RIC1: variants seen among roughly 807,000 people sequenced by gnomAD.
RIC1 encodes RIC1 partner of RAB6A GEF complex.
In RIC1, 88 loss-of-function variants were observed where a neutral mutation model predicts 169.0. That is an observed-to-expected ratio of 0.52 (90% confidence interval 0.44 to 0.62). The LOEUF is 0.62. Ranked by LOEUF, RIC1 falls within the 20% of genes least tolerant of loss-of-function variation. The pLI is 0.00. For missense variants in RIC1, 1,877 were observed against 1,725.5 expected (o/e 1.09, Z -1.56); for synonymous variants, 790 against 601.5 (o/e 1.31, Z -4.59).
At chr9:5,633,928 C>T (rs977661619) in intron 1 of RIC1, among the ~76,000 whole-genome samples, 1 of 152,138 alleles carries the variant, frequency 6.6e-6, no homozygotes, top group Non-Finnish European at 1.5e-5. Context: ...TGGTAATCAT[C>T]GTTCTATTCT....
chr9:5,630,411 G>A (rs1817663541), intron 1 of RIC1, among the ~76,000 whole-genome samples: 1 of 152,174 alleles, frequency 6.6e-6, no homozygotes, highest in African/African-American at 2.4e-5. Context: ...TTGACCATGT[G>A]GGGATAGGTT....
At chr9:5,697,082 G>A (rs1160734585) in intron 3 of RIC1, among the ~76,000 whole-genome samples, 2 of 152,188 alleles carry the variant, frequency 1.3e-5, no homozygotes, top group Non-Finnish European at 2.9e-5. Flanking sequence ...TATTTGTGGA[G>A]TGTCACTATG....
chr9:5,689,951 T>C lies in RIC1; in HGVS notation c.253-8T>C. The C allele has an allele frequency of 6.4e-7, 1 of 1,566,610 alleles. No individual in the cohort carries two copies. The highest frequency in any genetic ancestry group is 1.2e-5 in the South Asian group (1 of 86,216). On this transcript the variant is annotated splice_region_variant and splice_polypyrimidine_tract_variant and intron_variant, in intron 2 of 25. Coordinates refer to ENST00000414202, the MANE Select transcript of RIC1 (RefSeq NM_020829.4). ...TTTAATTCATGATTAATAAAATTTC[T>C]CTTTCAGACGGCAAATGGATACATC...
At chr9:5,717,727 C>T (rs974818149) in intron 4 of RIC1, among the ~76,000 whole-genome samples, 10 of 151,726 alleles carry the variant, frequency 6.6e-5, no homozygotes, top group African/African-American at 9.7e-5. Context: ...TGCCTGTCAT[C>T]GCAGCTACTC....
In RIC1 at chr9:5,774,082, ACTAG is replaced by A; in HGVS notation, c.4110_4113del (p.Ser1371ProfsTer65). ...AACTATGGGTAAGACTCCAGAACAGACTAGCCCCCGGGCAGAGGAGAGCAGGGGC... is the reference window on the plus strand; with the variant it reads ...AACTATGGGTAAGACTCCAGAACAGACCCCCGGGCAGAGGAGAGCAGGGGC... On this transcript the variant is annotated frameshift_variant, in exon 26 of 26. Coordinates refer to ENST00000414202, the MANE Select transcript of RIC1 (RefSeq NM_020829.4). LOFTEE classifies it high-confidence loss of function. The A allele has an allele frequency of 1.2e-6, 2 of 1,614,120 alleles. No homozygotes were observed.
At chr9:5,680,240 T>G (rs1820734128) in intron 2 of RIC1, among the ~76,000 whole-genome samples, 1 of 152,246 alleles carries the variant, frequency 6.6e-6, no homozygotes, top group South Asian at 2.1e-4. Flanking sequence ...GGATTCAGTT[T>G]GCCAGTATTT....
At position 5,754,825 on chromosome 9, in the gene RIC1, A is replaced by C. The variant is rs762041863; in HGVS notation, c.1603-16A>C. 1.3e-6 allele frequency: 2 copies of C among 1,517,722 alleles called. No homozygotes were observed. The highest frequency in any genetic ancestry group is 2.6e-5 in the South Asian group (2 of 76,060). 94.0% of individuals were successfully genotyped at this position (1,517,722 alleles called of 1,614,324 possible). A position where few individuals can be genotyped will look rare whatever the true frequency, so the allele number is the denominator to read the frequency against. ...GGTAGCATAAGGTAAATTTTTTAAA[A>C]AATTTTTATTTTAAGGAGCAAAATA... On this transcript the variant is annotated splice_polypyrimidine_tract_variant and intron_variant, in intron 14 of 25. Transcript: ENST00000414202.
chr9:5,750,526 C>G (rs536716928), intron 12 of RIC1, among the ~76,000 whole-genome samples: 2 of 151,978 alleles, frequency 1.3e-5, no homozygotes, highest in African/African-American at 4.8e-5. Context: ...AACAAATCTG[C>G]TAGGAGGATG....
intron 2 of RIC1, among the ~76,000 whole-genome samples, chr9:5,671,557 T>A (rs2130569619): frequency 6.6e-6 from 1 of 152,318 alleles, no homozygotes; most frequent in South Asian, 2.1e-4. Context: ...ATTATGGGCA[T>A]GAGTCACTGC....
At chr9:5,686,789 A>G (rs1041579829) in intron 2 of RIC1, among the ~76,000 whole-genome samples, 14 of 151,634 alleles carry the variant, frequency 9.2e-5, no homozygotes, top group African/African-American at 3.4e-4. Flanking sequence ...ATAAAAAAAA[A>G]GAATATGTTA....
In RIC1 at chr9:5,629,283, G is replaced by A. The variant is rs1233999874; in HGVS notation, c.-27G>A. ...GCCGCTGAGTGTGACGGACGCAACT[G>A]GGGGCGCCGGGGGCTCCGCACGGAC... On this transcript the variant is annotated 5_prime_UTR_variant, in exon 1 of 26. Coordinates refer to ENST00000414202, the MANE Select transcript of RIC1 (RefSeq NM_020829.4). 8.2e-6 allele frequency: 12 copies of A among 1,465,610 alleles called. No individual in the cohort carries two copies. The highest frequency in any genetic ancestry group is 2.3e-5 in the Admixed American group (1 of 43,492). The allele number at this position is 1,465,610 out of a possible 1,614,324, so 90.8% of individuals were successfully genotyped here.
intron 10 of RIC1, among the ~76,000 whole-genome samples, chr9:5,744,020 C>T (rs1825237286): frequency 6.7e-6 from 1 of 148,528 alleles, no homozygotes; most frequent in Non-Finnish European, 1.5e-5. Flanking sequence ...CAGGCTGGCC[C>T]CCTTTTTTCA....
At chr9:5,642,974 A>T (rs2130329311) in intron 1 of RIC1, among the ~76,000 whole-genome samples, 1 of 152,282 alleles carries the variant, frequency 6.6e-6, no homozygotes, top group Middle Eastern at 3.4e-3. Context: ...CATTTTTATG[A>T]ATAGAAGATA....
chr9:5,749,370 C>A (rs1174161315), intron 12 of RIC1, among the ~76,000 whole-genome samples: 2 of 152,166 alleles, frequency 1.3e-5, no homozygotes, highest in Non-Finnish European at 2.9e-5. Context: ...TATACAGTGT[C>A]TATATAATGC....
chr9:5,731,178 C>T (rs10975266), intron 6 of RIC1, among the ~76,000 whole-genome samples: 1 of 151,862 alleles, frequency 6.6e-6, no homozygotes, highest in Admixed American at 6.6e-5. Flanking sequence ...GTAAAGCAAG[C>T]ATACAAGTAG....
intron 3 of RIC1, among the ~76,000 whole-genome samples, chr9:5,707,027 C>G (rs1404612874): frequency 6.6e-6 from 1 of 152,044 alleles, no homozygotes; most frequent in African/African-American, 2.4e-5. Context: ...TTAATATAGG[C>G]ATTTTACCTA....
At chr9:5,766,217 T>C (rs1257827843) in intron 21 of RIC1, among the ~76,000 whole-genome samples, 5 of 152,156 alleles carry the variant, frequency 3.3e-5, no homozygotes, top group Non-Finnish European at 7.4e-5. Flanking sequence ...AATTTTCATA[T>C]TTTTAGTAGA....
Position 5,629,358 on chromosome 9 carries a change from A to C in RIC1, c.49A>C (p.Ser17Arg). Residue 17 changes from serine to arginine, a missense_variant, in exon 1 of 26, where the codon AGC becomes CGC. Physicochemically the swap from Ser to Arg is moderately radical, Grantham distance 110. Around this residue, in one of 3 missense-constraint regions of RIC1, gnomAD observed 1,104 missense variants for 992.0 expected, o/e 1.11. Coordinates refer to ENST00000414202, the MANE Select transcript of RIC1 (RefSeq NM_020829.4). ...WPKRLLCPLG[S>R]PAEAPFHVQS... ...CAAGAGGCTGCTGTGCCCTCTGGGG[A>C]GCCCGGCCGAGGCGCCTTTCCACGT... The C allele has an allele frequency of 6.5e-7, 1 of 1,533,924 alleles. No individual in the cohort carries two copies. Among genetic ancestry groups the C allele is most frequent in the Non-Finnish European group, 8.7e-7 (1 of 1,146,096 alleles).
At chr9:5,778,034 C>T (rs536829376), downstream of RIC1, among the ~76,000 whole-genome samples, 1 of 152,290 alleles carries the variant, frequency 6.6e-6, no homozygotes, top group Non-Finnish European at 1.5e-5. Context: ...GTATTCATGA[C>T]ATAAAGCAAA....
Sources: allele counts gnomAD v4.1 joint callset (sites outside exome capture counted in the v4.1 genomes callset), GRCh38; gene constraint gnomAD v4.1.1; regional missense constraint gnomAD v4.1.1; transcripts MANE v1.5; gene names NCBI Gene and HGNC (gene_info 2026-07-23, HGNC 2026-07-21).